LIMA1: variants seen among roughly 807,000 people sequenced by gnomAD.
The protein encoded by LIMA1 is LIM domain and actin-binding protein 1.
In LIMA1, 52 loss-of-function variants were observed where a neutral mutation model predicts 62.6. The ratio of observed to expected loss-of-function variants is 0.83; its 90% CI spans 0.67 to 1.05. The LOEUF (loss-of-function observed/expected upper bound fraction) is 1.05, where lower values mean the gene tolerates loss of function less well. Ranked by LOEUF, LIMA1 falls within the 50% of genes least tolerant of loss-of-function variation. The pLI is 0.00. For missense variants in LIMA1, 780 were observed against 902.2 expected (o/e 0.86, Z 1.74); for synonymous variants, 302 against 317.8 (o/e 0.95, Z 0.53).
chr12:50,212,849 C>T (rs751923576), intron 4 of LIMA1, among the ~76,000 whole-genome samples: 1 of 152,118 alleles, frequency 6.6e-6, no homozygotes, highest in Non-Finnish European at 1.5e-5. Context: ...AAGTCTTGCT[C>T]TGTCGCCCAG....
intron 1 of LIMA1, among the ~76,000 whole-genome samples, chr12:50,250,593 C>T (rs904697415): frequency 1.3e-5 from 2 of 150,062 alleles, no homozygotes; most frequent in African/African-American, 4.9e-5. Flanking sequence ...AAAAAAGTCC[C>T]GTGATGCAGA....
At chr12:50,215,832 T>C (rs1941335541) in intron 4 of LIMA1, among the ~76,000 whole-genome samples, 1 of 152,072 alleles carries the variant, frequency 6.6e-6, no homozygotes, top group Admixed American at 6.5e-5. Flanking sequence ...GGTGGATCAC[T>C]TGAGGCTGGG....
In LIMA1 at chr12:50,217,712, G is replaced by A. The variant is rs1941368562; in HGVS notation, c.630+4309C>T. Reference sequence around the variant, plus strand: ...AGCACCCGCAGGTCTACAGTGGGGGGAAGGTGTTCGATCCTTGTGGGCTTC... The same window carrying A: ...AGCACCCGCAGGTCTACAGTGGGGGAAAGGTGTTCGATCCTTGTGGGCTTC... On this transcript the variant is annotated intron_variant, in intron 4 of 10. Coordinates refer to ENST00000341247, the MANE Select transcript of LIMA1 (RefSeq NM_016357.5). The A allele has an allele frequency of 1.1e-5, 3 of 279,904 alleles. 1 individual carries two copies. Among genetic ancestry groups the A allele is most frequent in the East Asian group, 1.0e-4 (1 of 10,000 alleles). The allele number at this position is 279,904 out of a possible 1,614,324, so 17.3% of individuals were successfully genotyped here.
intron 1 of LIMA1, among the ~76,000 whole-genome samples, chr12:50,254,044 A>AG (rs954584676): frequency 6.0e-5 from 9 of 151,110 alleles, no homozygotes; most frequent in African/African-American, 1.9e-4. Context: ...AAAAAAAAAA[A>AG]AAAGAAAGGT....
chr12:50,192,706 T>C, intron 8 of LIMA1, 145 bp from the exon 9 acceptor site: 1 of 636,664 alleles, frequency 1.6e-6, no homozygotes, highest in South Asian at 1.8e-5. Flanking sequence ...TGTTGAAGAA[T>C]ATTCGAACAC....
chr12:50,240,369 C>A (rs562677468), intron 2 of LIMA1, among the ~76,000 whole-genome samples: 1 of 152,012 alleles, frequency 6.6e-6, no homozygotes, highest in South Asian at 2.1e-4. Context: ...TGATTCAATT[C>A]GTGTTTTTAA....
At chr12:50,259,226 A>T (rs547548831) in intron 1 of LIMA1, among the ~76,000 whole-genome samples, 1 of 152,322 alleles carries the variant, frequency 6.6e-6, no homozygotes, top group African/African-American at 2.4e-5. Flanking sequence ...CTCAAGTGAA[A>T]GAACACACAT....
rs778918377 is a variant in LIMA1 at position 50,195,809 on chromosome 12, G to T, written c.1030+21C>A. The T allele has an allele frequency of 1.9e-6, 3 of 1,563,422 alleles. No homozygotes were observed. In the East Asian group the frequency reaches 7.0e-5, roughly 37 times the overall value. ...TAGAAAACAAGAACCTCATCCTCCA[G>T]ATCTAAGAAAGAATGCTTACGGGAG... On this transcript the variant is annotated intron_variant, in intron 8 of 10. Transcript: ENST00000341247.
intron 1 of LIMA1, among the ~76,000 whole-genome samples, chr12:50,271,804 T>C (rs533600517): frequency 2.0e-5 from 3 of 152,196 alleles, no homozygotes; most frequent in Non-Finnish European, 2.9e-5. Context: ...AAATATCTGT[T>C]ATATGAATGA....
At position 50,222,160 on chromosome 12, in the gene LIMA1, C is replaced by A; in HGVS notation, c.491G>T (p.Cys164Phe). Residue 164 changes from cysteine to phenylalanine, a missense_variant, in exon 4 of 11, where the codon TGT becomes TTT. Coordinates refer to ENST00000341247, the MANE Select transcript of LIMA1 (RefSeq NM_016357.5). ...TACTTCATGCCTGGATTCTCCTAGA[C>A]AATTTTCCATTTTTTTACTTTCTGT... is the stretch of plus-strand genomic sequence containing the variant. ...HSTESKKMEN[C>F]LGESRHEVEK... 6.2e-7 allele frequency: 1 copy of A among 1,614,168 alleles called. No individual in the cohort carries two copies. The highest frequency in any genetic ancestry group is 8.5e-7 in the Non-Finnish European group (1 of 1,180,032).
intron 2 of LIMA1, among the ~76,000 whole-genome samples, chr12:50,239,589 A>C (rs1941743633): frequency 1.3e-5 from 2 of 151,794 alleles, no homozygotes; most frequent in South Asian, 4.2e-4. Context: ...GCAGTGAGCC[A>C]AGATAGCACC....
chr12:50,177,375 CTTT>C lies in LIMA1; in HGVS notation c.1966_1968del (p.Lys656del), dbSNP rs1047304806. ...CTCTTCCCTGTCTCTCCTTTAGATTCTTTGTTTTGCCAGGTTGTTTTTCCCACA... is the reference window on the plus strand; with the variant it reads ...CTCTTCCCTGTCTCTCCTTTAGATTCGTTTTGCCAGGTTGTTTTTCCCACA... On this transcript the variant is annotated inframe_deletion, in exon 11 of 11. Transcript: ENST00000341247. The C allele has an allele frequency of 6.2e-7, 1 of 1,614,150 alleles. No homozygotes were observed. Among genetic ancestry groups the C allele is most frequent in the Non-Finnish European group, 8.5e-7 (1 of 1,180,022 alleles).
intron 1 of LIMA1, among the ~76,000 whole-genome samples, chr12:50,280,144 ATTTTTTT>A (rs71441354): frequency 2.3e-4 from 16 of 68,310 alleles, no homozygotes; most frequent in East Asian, 9.4e-4. Context: ...GGGTAGTAGT[ATTTTTTT>A]TTTTTTTTTT....
intron 1 of LIMA1, among the ~76,000 whole-genome samples, chr12:50,262,971 A>C (rs1037151094): frequency 2.6e-5 from 4 of 152,220 alleles, no homozygotes; most frequent in African/African-American, 9.7e-5. Flanking sequence ...TTAAAAGTAC[A>C]CTGAGGTTTG....
At chr12:50,208,613 G>T (rs1274465918) in intron 4 of LIMA1, among the ~76,000 whole-genome samples, 1 of 152,168 alleles carries the variant, frequency 6.6e-6, no homozygotes, top group Non-Finnish European at 1.5e-5. Flanking sequence ...TCATGCCACT[G>T]CACTCCAGCC....
At chr12:50,279,604 G>A (rs189568418) in intron 1 of LIMA1, among the ~76,000 whole-genome samples, 2 of 152,248 alleles carry the variant, frequency 1.3e-5, no homozygotes, top group Admixed American at 1.3e-4. Flanking sequence ...ATGGATCATG[G>A]GAGTAAGTGG....
At chr12:50,186,432 T>C (rs758487217) in intron 9 of LIMA1, 1 of 152,366 alleles carries the variant, frequency 6.6e-6, no homozygotes, top group Non-Finnish European at 1.5e-5. Context: ...CATCTTGGAG[T>C]GAAACCACCA....
intron 10 of LIMA1, among the ~76,000 whole-genome samples, chr12:50,181,093 C>G (rs951968408): frequency 8.4e-6 from 1 of 119,496 alleles, no homozygotes; most frequent in African/African-American, 3.4e-5. Flanking sequence ...CCCTGGGCAA[C>G]AGAGTGAGAC....
chr12:50,231,797 C>CA lies in LIMA1; in HGVS notation c.120-88dup. ...TTTATCTTTTTTTGAGATGAAGTCTCACGCTTATTGCCCAGGCTGCAGTGC... is the reference window on the plus strand; with the variant it reads ...TTTATCTTTTTTTGAGATGAAGTCTCAACGCTTATTGCCCAGGCTGCAGTGC... On this transcript the variant is annotated intron_variant, in intron 2 of 10. Coordinates refer to ENST00000341247, the MANE Select transcript of LIMA1 (RefSeq NM_016357.5). 3.1e-6 allele frequency: 4 copies of CA among 1,297,804 alleles called. No homozygotes were observed. In the East Asian group the frequency reaches 9.8e-5, roughly 32 times the overall value. 80.4% of individuals were successfully genotyped at this position (1,297,804 alleles called of 1,614,324 possible).
Sources: gnomAD v4.1 joint callset for allele counts (sites outside exome capture counted in the v4.1 genomes callset) on GRCh38, gnomAD v4.1.1 for gene constraint, MANE v1.5 for transcripts, NCBI Gene and HGNC (gene_info 2026-07-23, HGNC 2026-07-21) for gene names.